MED13: variants seen among roughly 807,000 people sequenced by gnomAD.
MED13 encodes the protein mediator of RNA polymerase II transcription subunit 13.
In MED13, 23 loss-of-function variants were observed where a neutral mutation model predicts 225.2. That is an observed-to-expected ratio of 0.10 (90% confidence interval 0.07 to 0.14). The LOEUF (loss-of-function observed/expected upper bound fraction) is 0.14, where lower values mean the gene tolerates loss of function less well. Among genes scored for constraint, MED13 ranks in the 10% least tolerant of loss-of-function variants. The pLI is 1.00. For missense variants in MED13, 2,197 were observed against 2,594.5 expected (o/e 0.85, Z 3.33); for synonymous variants, 942 against 889.2 (o/e 1.06, Z -1.06).
At chr17:61,956,545 G>GT in intron 23 of MED13, 64 bp from the exon 24 acceptor site, 5 of 1,508,742 alleles carry the variant, frequency 3.3e-6, no homozygotes, top group African/African-American at 1.4e-5. Context: ...TGCTGTTGTT[G>GT]TTTTTTTGAG....
intron 1 of MED13, among the ~76,000 whole-genome samples, chr17:62,063,680 C>T (rs2081059413): frequency 6.6e-6 from 1 of 152,180 alleles, no homozygotes; most frequent in African/African-American, 2.4e-5. Flanking sequence ...TTATTAAAGA[C>T]CCTATCATGG....
intron 4 of MED13, 22 bp from the exon 5 acceptor site, chr17:62,034,006 C>T (rs1230610684): frequency 6.3e-7 from 1 of 1,596,924 alleles, no homozygotes; most frequent in East Asian, 2.2e-5. Context: ...AAGCAGACAT[C>T]AAATAAGTAA....
intron 9 of MED13, among the ~76,000 whole-genome samples, chr17:62,003,102 C>T (rs1343492120): frequency 6.6e-6 from 1 of 152,150 alleles, no homozygotes; most frequent in Admixed American, 6.5e-5. Context: ...TTGAGAAATA[C>T]TACACAGAAC....
At chr17:61,991,594 T>C (rs772039834) in intron 11 of MED13, among the ~76,000 whole-genome samples, 2 of 151,986 alleles carry the variant, frequency 1.3e-5, no homozygotes, top group Non-Finnish European at 2.9e-5. Context: ...CTGCAACCTC[T>C]GCCTCCCAGG....
At chr17:62,047,241 G>C (rs1056555968) in intron 3 of MED13, among the ~76,000 whole-genome samples, 2 of 151,932 alleles carry the variant, frequency 1.3e-5, no homozygotes, top group African/African-American at 4.8e-5. Context: ...CGTGCTGGTG[G>C]GTGCCTATAA....
In MED13 at chr17:62,011,317, C is replaced by A. The variant is rs76859458; in HGVS notation, c.1284-84G>T. ...TACCAGTTAATAGTATTAGACACTT[C>A]GGTTATCATTTCTTTTTCACATGTA... On this transcript the variant is annotated intron_variant, in intron 8 of 29. Coordinates refer to ENST00000397786, the MANE Select transcript of MED13 (RefSeq NM_005121.3). 5.1e-4 allele frequency: 582 copies of A among 1,137,176 alleles called. 2 individuals carry two copies. In the African/African-American group the frequency reaches 8.6e-3, roughly 17 times the overall value. 70.4% of individuals were successfully genotyped at this position (1,137,176 alleles called of 1,614,324 possible).
At chr17:61,970,724 A>AC (rs2080100103) in intron 17 of MED13, among the ~76,000 whole-genome samples, 2 of 67,420 alleles carry the variant, frequency 3.0e-5, no homozygotes, top group South Asian at 1.2e-3. Flanking sequence ...ATAGTTATTT[A>AC]GGTTTTTTTT....
At position 61,943,610 on chromosome 17, in the gene MED13, A is replaced by G. The variant is rs1437674937; in HGVS notation, c.*2858T>C. The G allele has an allele frequency of 6.6e-6, 1 of 152,606 alleles. No homozygotes were observed. Among genetic ancestry groups the G allele is most frequent in the Non-Finnish European group, 1.5e-5 (1 of 67,996 alleles). 9.5% of individuals were successfully genotyped at this position (152,606 alleles called of 1,614,324 possible). A position where few individuals can be genotyped will look rare whatever the true frequency, so the allele number is the denominator to read the frequency against. On this transcript the variant is annotated 3_prime_UTR_variant, in exon 30 of 30. Coordinates refer to ENST00000397786, the MANE Select transcript of MED13 (RefSeq NM_005121.3). ...TTAGAAATATTTAAAAATTACAGCT[A>G]CTTTAAAATTTAAGGATTACATATA... is the stretch of plus-strand genomic sequence containing the variant.
At chr17:62,034,036 A>G (rs546540813) in intron 4 of MED13, 52 bp from the exon 5 acceptor site, 7 of 1,475,092 alleles carry the variant, frequency 4.7e-6, no homozygotes, top group African/African-American at 4.2e-5. Context: ...GTTTTACCAA[A>G]TAAGAACACA....
intron 16 of MED13, among the ~76,000 whole-genome samples, chr17:61,976,073 A>T (rs1306209887): frequency 6.6e-6 from 1 of 152,224 alleles, no homozygotes; most frequent in Admixed American, 6.5e-5. Flanking sequence ...AATCCACTTA[A>T]GAGTAATAAA....
intron 23 of MED13, 64 bp from the exon 24 acceptor site, chr17:61,956,545 G>T (rs1383541348): frequency 2.7e-6 from 4 of 1,508,754 alleles, no homozygotes; most frequent in Admixed American, 4.0e-5. Flanking sequence ...TGCTGTTGTT[G>T]TTTTTTTGAG....
rs1251086534 is a variant in MED13, at chr17:62,015,927, T to C, written c.1284-4694A>G. Among the ~76,000 whole-genome samples the C allele has an allele frequency of 3.8e-3, 24 of 6,294 alleles. 3 individuals are homozygous for C. The highest frequency in any genetic ancestry group is 4.7e-3 in the African/African-American group (13 of 2,774). The allele number at this position is 6,294 out of a possible 152,430, so 4.1% of individuals were successfully genotyped here. A position where few individuals can be genotyped will look rare whatever the true frequency, so the allele number is the denominator to read the frequency against. Reference sequence around the variant, plus strand: ...TACACACTATACACATATATATATATATATATATATATATATATATATATA... The same window carrying C: ...TACACACTATACACATATATATATACATATATATATATATATATATATATA... On this transcript the variant is annotated intron_variant, in intron 8 of 29. Transcript: ENST00000397786.
At chr17:62,051,904 G>A (rs1403183543) in intron 3 of MED13, among the ~76,000 whole-genome samples, 2 of 152,124 alleles carry the variant, frequency 1.3e-5, no homozygotes, top group African/African-American at 2.4e-5. Context: ...TCTAAATCAC[G>A]GAGAAGCGAG....
Position 61,942,921 on chromosome 17 carries a change from C to T in MED13, c.*3547G>A. Reference sequence around the variant, plus strand: ...ACAATTTGTAGCTTAAACTCAATAACTTTAAGGTCCACATATCCAGTTTAC... The same window carrying T: ...ACAATTTGTAGCTTAAACTCAATAATTTTAAGGTCCACATATCCAGTTTAC... On this transcript the variant is annotated 3_prime_UTR_variant, in exon 30 of 30. Transcript: ENST00000397786. 1 of 152,504 alleles carries T rather than the reference C, an allele frequency of 6.6e-6. No individual in the cohort carries two copies. 9.4% of individuals were successfully genotyped at this position (152,504 alleles called of 1,614,324 possible).
intron 3 of MED13, among the ~76,000 whole-genome samples, chr17:62,049,728 G>T (rs1201619011): frequency 6.6e-6 from 1 of 151,118 alleles, no homozygotes; most frequent in Non-Finnish European, 1.5e-5. Context: ...TCAGGAGATC[G>T]AGACCATCCT....
intron 27 of MED13, 69 bp downstream of exon 27, chr17:61,952,896 A>T (rs2079908879): frequency 6.5e-7 from 1 of 1,528,080 alleles, no homozygotes; most frequent in East Asian, 2.3e-5. Context: ...CGCCCTCCCA[A>T]AGTGCTGGGA....
Position 62,037,570 on chromosome 17 carries a change from G to A in MED13, c.471-1962C>T, listed in dbSNP as rs1009398164. 2.6e-5 allele frequency among the ~76,000 whole-genome samples: 4 copies of A among 151,328 alleles called. No individual in the cohort carries two copies. The South Asian group carries it at 8.4e-4, about 32-fold the overall frequency. On this transcript the variant is annotated intron_variant, in intron 3 of 29. Coordinates refer to ENST00000397786, the MANE Select transcript of MED13 (RefSeq NM_005121.3). ...TAATCCCAGCTACTCAGGAGGCTGA[G>A]GCATGAGAATCGCTTGAACCCAGGA...
chr17:61,963,668 T>G (rs2080027457), intron 20 of MED13, among the ~76,000 whole-genome samples: 1 of 152,198 alleles, frequency 6.6e-6, no homozygotes, highest in Admixed American at 6.5e-5. Context: ...CAAGTTTCAT[T>G]CTTTGATGGG....
chr17:62,029,986 A>G lies in MED13; in HGVS notation c.1037T>C (p.Val346Ala). Residue 346 changes from valine (V) to alanine (A), a missense_variant, in exon 7 of 30, where the codon GTC becomes GCC. By Grantham distance (64) the Val-to-Ala change is moderately conservative. Transcript: ENST00000397786. The stretch of plus-strand genomic sequence containing the variant: ...GCCATCAGATACTGAAGAAAATTTG[A>G]CCCACTTCTGGACAGACTGAGGATC... ...TVDPQSVQKW[V>A]KFSSVSDGFN... is the part of the protein sequence containing the mutation. The G allele has an allele frequency of 6.2e-7, 1 of 1,610,930 alleles. No individual in the cohort carries two copies. The highest frequency in any genetic ancestry group is 8.5e-7 in the Non-Finnish European group (1 of 1,178,946).
Sources: gnomAD v4.1 joint callset for allele counts (sites outside exome capture counted in the v4.1 genomes callset) on GRCh38, gnomAD v4.1.1 for gene constraint, MANE v1.5 for transcripts, NCBI Gene and HGNC (gene_info 2026-07-23, HGNC 2026-07-21) for gene names.